The following KIAA0232 variants were observed in gnomAD, a reference collection of about 807,000 sequenced individuals.
The protein encoded by KIAA0232 is KIAA0232.
Under a neutral mutation model 122.0 loss-of-function variants are expected in KIAA0232, and 27 were observed. The ratio of observed to expected loss-of-function variants is 0.22; its 90% CI spans 0.16 to 0.31. The LOEUF (loss-of-function observed/expected upper bound fraction) is 0.31, where lower values mean the gene tolerates loss of function less well. Ranked by LOEUF, KIAA0232 falls within the 10% of genes least tolerant of loss-of-function variation. The pLI, the probability that KIAA0232 is intolerant of heterozygous loss-of-function variation, is 1.00. For synonymous variants in KIAA0232, 613 were observed against 587.6 expected, an observed-to-expected ratio of 1.04 and a Z score of -0.63; for missense variants, 1,551 against 1,634.2, an observed-to-expected ratio of 0.95 and a Z score of 0.88.
intron 9 of KIAA0232, among the ~76,000 whole-genome samples, chr4:6,879,428 A>C (rs538514348): frequency 9.9e-5 from 15 of 152,232 alleles, no homozygotes; most frequent in African/African-American, 3.4e-4. Context: ...TTGCTGTTGC[A>C]TTTGAGACAG....
chr4:6,832,470 A>G (rs956446799), intron 3 of KIAA0232, among the ~76,000 whole-genome samples: 1 of 150,116 alleles, frequency 6.7e-6, no homozygotes, highest in African/African-American at 2.5e-5. Flanking sequence ...TGCCTCAGCC[A>G]CCCGAGTAGC....
chr4:6,825,032 A>G (rs933736776), intron 3 of KIAA0232, among the ~76,000 whole-genome samples: 25 of 152,250 alleles, frequency 1.6e-4, no homozygotes, highest in Admixed American at 3.3e-4. Context: ...AAACTCACAC[A>G]TTATGAATAG....
chr4:6,829,475 T>G lies in KIAA0232; in HGVS notation c.231+4791T>G, dbSNP rs79278924. On this transcript the variant is annotated intron_variant, in intron 3 of 9. Transcript: ENST00000307659. ...CCCTCTACATTTAGTAGTTGACATT[T>G]TACTACAGTGCCTTCCATCTTTTAA... Among the ~76,000 whole-genome samples, 188 of 152,342 alleles carry G rather than the reference T, an allele frequency of 1.2e-3. 4 individuals are homozygous for G. The East Asian group carries it at 0.032, about 26-fold the overall frequency.
At chr4:6,823,623 A>G (rs1718522482) in intron 2 of KIAA0232, among the ~76,000 whole-genome samples, 2 of 152,232 alleles carry the variant, frequency 1.3e-5, no homozygotes, top group South Asian at 4.1e-4. Context: ...ATTACTCTTC[A>G]TCTACTTATT....
intron 9 of KIAA0232, 24 bp downstream of exon 9, chr4:6,876,781 G>A (rs370676344): frequency 1.1e-5 from 16 of 1,506,198 alleles, no homozygotes; most frequent in African/African-American, 6.9e-5. Flanking sequence ...CCTCCTCCTC[G>A]TCATTAACTT....
rs1236681126 is a variant in KIAA0232 at position 6,792,689 on chromosome 4, T to TTG, written c.-354+9849_-354+9850insGT. Among the ~76,000 whole-genome samples, 1,003 of 124,224 alleles carry TTG rather than the reference T, an allele frequency of 8.1e-3. 9 individuals are homozygous for TTG. The highest frequency in any genetic ancestry group is 0.026 in the African/African-American group (913 of 35,208). The allele number at this position is 124,224 out of a possible 152,430, so 81.5% of individuals were successfully genotyped here. A position where few individuals can be genotyped will look rare whatever the true frequency, so the allele number is the denominator to read the frequency against. On this transcript the variant is annotated intron_variant, in intron 1 of 9. Transcript: ENST00000307659. ...AGTCTTGATAGTCTTAGGTTTTTTTTTTTTTGTTTTTTTTTTTTGAGACAG... is the reference window on the plus strand; with the variant it reads ...AGTCTTGATAGTCTTAGGTTTTTTTTTGTTTTTGTTTTTTTTTTTTGAGACAG...
chr4:6,820,224 C>T (rs1056784506), intron 2 of KIAA0232, among the ~76,000 whole-genome samples: 2 of 152,118 alleles, frequency 1.3e-5, no homozygotes, highest in Admixed American at 1.3e-4. Context: ...AGGTAACAAA[C>T]TTGCACACGT....
intron 2 of KIAA0232, among the ~76,000 whole-genome samples, chr4:6,821,990 T>C (rs1234008732): frequency 2.6e-5 from 4 of 152,144 alleles, no homozygotes; most frequent in African/African-American, 9.7e-5. Context: ...CTATATTTAA[T>C]GTTTCTTTTT....
rs1001750190 is a variant in KIAA0232, at chr4:6,824,185, G to A, written c.-269G>A. The A allele has an allele frequency of 2.4e-5, 12 of 506,802 alleles. No individual in the cohort carries two copies. The highest frequency in any genetic ancestry group is 1.7e-4 in the African/African-American group (9 of 52,840). The allele number at this position is 506,802 out of a possible 1,614,324, so 31.4% of individuals were successfully genotyped here. A position where few individuals can be genotyped will look rare whatever the true frequency, so the allele number is the denominator to read the frequency against. Reference sequence around the variant, plus strand: ...TTTTTTTCCTCTCTCATTTTTGTAGGTTCTGCCGGAGACTTCCATTTGGCC... The same window carrying A: ...TTTTTTTCCTCTCTCATTTTTGTAGATTCTGCCGGAGACTTCCATTTGGCC... On this transcript the variant is annotated splice_region_variant and 5_prime_UTR_variant, in exon 3 of 10. Coordinates refer to ENST00000307659, the MANE Select transcript of KIAA0232 (RefSeq NM_014743.3).
chr4:6,868,722 A>T (rs1721312748), intron 7 of KIAA0232, among the ~76,000 whole-genome samples: 1 of 152,194 alleles, frequency 6.6e-6, no homozygotes, highest in African/African-American at 2.4e-5. Flanking sequence ...GAATTAATAC[A>T]TTCGATGATG....
chr4:6,849,677 G>A (rs1560192080), intron 4 of KIAA0232, among the ~76,000 whole-genome samples: 1 of 152,082 alleles, frequency 6.6e-6, no homozygotes, highest in Non-Finnish European at 1.5e-5. Flanking sequence ...TACTCAGGAG[G>A]CTGAGGTGGG....
Position 6,842,081 on chromosome 4 carries a change from C to T in KIAA0232, c.246C>T (p.Phe82=). 1 of 1,613,400 alleles carries T rather than the reference C, an allele frequency of 6.2e-7. No homozygotes were observed. Among genetic ancestry groups the T allele is most frequent in the Non-Finnish European group, 8.5e-7 (1 of 1,179,814 alleles). The change falls in exon 4 of 10, where the codon TTC becomes TTT. Residue 82 remains phenylalanine, a synonymous_variant. Coordinates refer to ENST00000307659, the MANE Select transcript of KIAA0232 (RefSeq NM_014743.3). The part of the protein sequence containing the change: ...YDLQEQENDI[F]LGWEKGAYKK... ...TTTCATTGCAGGAGAATGACATCTT[C>T]CTGGGCTGGGAAAAAGGAGCTTATA...
chr4:6,787,936 C>A (rs1244316739), intron 1 of KIAA0232, among the ~76,000 whole-genome samples: 1 of 152,198 alleles, frequency 6.6e-6, no homozygotes, highest in Non-Finnish European at 1.5e-5. Context: ...ACACTCCTCC[C>A]CTGGTTGAGA....
At chr4:6,860,610 A>G (rs114790985) in intron 6 of KIAA0232, among the ~76,000 whole-genome samples, 3 of 152,184 alleles carry the variant, frequency 2.0e-5, no homozygotes, top group African/African-American at 7.2e-5. Flanking sequence ...GTCCTTTTTG[A>G]CTTCTTAATT....
At chr4:6,819,889 A>G (rs1339144938) in intron 2 of KIAA0232, among the ~76,000 whole-genome samples, 5 of 152,216 alleles carry the variant, frequency 3.3e-5, no homozygotes, top group Non-Finnish European at 7.3e-5. Flanking sequence ...AATGTGGTAC[A>G]TATATACCAT....
At chr4:6,846,459 A>G (rs1719972054) in intron 4 of KIAA0232, among the ~76,000 whole-genome samples, 1 of 152,074 alleles carries the variant, frequency 6.6e-6, no homozygotes, top group African/African-American at 2.4e-5. Flanking sequence ...CACAAACCCT[A>G]TTGTGGACTG....
Position 6,861,438 on chromosome 4 carries a change from C to T in KIAA0232, c.1056C>T (p.Ser352=). 6.2e-7 allele frequency: 1 copy of T among 1,614,118 alleles called. No homozygotes were observed. Among genetic ancestry groups the T allele is most frequent in the Non-Finnish European group, 8.5e-7 (1 of 1,180,008 alleles). ...AERNIHTGSS[S]SSSSGSVKQL... is the part of the protein sequence containing the mutation. ...GGAACATTCATACTGGAAGTAGTAG[C>T]AGTAGCAGCAGTGGTTCTGTCAAAC... is the stretch of plus-strand genomic sequence containing the variant. Residue 352 remains serine (S), a synonymous_variant, in exon 7 of 10, where the codon AGC becomes AGT. Transcript: ENST00000307659.
chr4:6,791,949 C>T (rs775137797), intron 1 of KIAA0232, among the ~76,000 whole-genome samples: 13 of 152,078 alleles, frequency 8.5e-5, no homozygotes, highest in South Asian at 2.1e-4. Context: ...ATAGTGAATA[C>T]GTCTCATGAG....
At chr4:6,790,983 A>G (rs1442112911) in intron 1 of KIAA0232, among the ~76,000 whole-genome samples, 2 of 145,358 alleles carry the variant, frequency 1.4e-5, no homozygotes, top group African/African-American at 2.6e-5. Context: ...CAGTGGTACA[A>G]TCTTGGCTTA....
Sources: gnomAD v4.1 joint callset for allele counts (sites outside exome capture counted in the v4.1 genomes callset) on GRCh38, gnomAD v4.1.1 for gene constraint, MANE v1.5 for transcripts, NCBI Gene and HGNC (gene_info 2026-07-23, HGNC 2026-07-21) for gene names.